The following GPC6 variants were observed in gnomAD, a reference collection of about 807,000 sequenced individuals.
GPC6 encodes the protein glypican 6, also known as glypican-6.
GPC6 carries 14 observed loss-of-function variants against 55.2 expected under a neutral mutation model. The observed-to-expected ratio is 0.25, with a 90% CI of 0.17 to 0.40. The LOEUF is 0.40. Among genes scored for constraint, GPC6 ranks in the 10% least tolerant of loss-of-function variants. GPC6 has a pLI of 1.00. For synonymous variants in GPC6, 278 were observed against 259.6 expected, an observed-to-expected ratio of 1.07 and a Z score of -0.68; for missense variants, 641 against 708.5, an observed-to-expected ratio of 0.90 and a Z score of 1.08.
At chr13:93,833,104 T>TGAGAGAGAGAGA (rs1555334989) in intron 3 of GPC6, among the ~76,000 whole-genome samples, 1 of 61,604 alleles carries the variant, frequency 1.6e-5, no homozygotes, top group Admixed American at 2.3e-4. Flanking sequence ...GATAGGTAGA[T>TGAGAGAGAGAGA]GATAGAGAGA....
rs1436306961 is a variant in GPC6, at chr13:93,541,788, C to T, written c.161-3475C>T. Among the ~76,000 whole-genome samples, 729 of 150,518 alleles carry T rather than the reference C, an allele frequency of 4.8e-3. 2 individuals are homozygous for T. The highest frequency in any genetic ancestry group is 0.016 in the African/African-American group (675 of 40,986). On this transcript the variant is annotated intron_variant, in intron 1 of 8. Transcript: ENST00000377047. The stretch of plus-strand genomic sequence containing the variant: ...TTCTCTGACGGCCAGTGATGGTGAG[C>T]ATTTTTTCATGTGTTTTTTGGCTGC...
intron 1 of GPC6, among the ~76,000 whole-genome samples, chr13:93,315,599 AAATATT>A: frequency 6.6e-6 from 1 of 152,070 alleles, no homozygotes; most frequent in Admixed American, 6.6e-5. Flanking sequence ...GTCAACCACT[AAATATT>A]AATATTCTTT....
intron 4 of GPC6, among the ~76,000 whole-genome samples, chr13:94,255,262 CTG>C (rs1278700942): frequency 3.9e-5 from 6 of 152,160 alleles, no homozygotes; most frequent in Non-Finnish European, 8.8e-5. Context: ...AAGCTCATGT[CTG>C]TGATCAAACC....
intron 4 of GPC6, among the ~76,000 whole-genome samples, chr13:94,058,863 A>G (rs535009583): frequency 6.6e-6 from 1 of 152,296 alleles, no homozygotes; most frequent in Non-Finnish European, 1.5e-5. Context: ...GGTTCCAATA[A>G]GTTAGAATAA....
At chr13:93,246,124 G>T (rs1204936093) in intron 1 of GPC6, among the ~76,000 whole-genome samples, 1 of 152,080 alleles carries the variant, frequency 6.6e-6, no homozygotes, top group Non-Finnish European at 1.5e-5. Flanking sequence ...TCCTATCCTA[G>T]CCTCTCAGGC....
At chr13:93,843,561 T>C (rs1221341391) in intron 3 of GPC6, among the ~76,000 whole-genome samples, 1 of 152,170 alleles carries the variant, frequency 6.6e-6, no homozygotes, top group Admixed American at 6.6e-5. Context: ...TGGTCCAAAC[T>C]GGCCCAGTTG....
intron 2 of GPC6, among the ~76,000 whole-genome samples, chr13:93,751,217 C>A (rs1211465003): frequency 6.6e-6 from 1 of 152,020 alleles, no homozygotes; most frequent in Non-Finnish European, 1.5e-5. Flanking sequence ...AGGAAGCAAG[C>A]CTGTATGGAG....
chr13:93,334,392 T>A (rs1879971104), intron 1 of GPC6, among the ~76,000 whole-genome samples: 1 of 152,126 alleles, frequency 6.6e-6, no homozygotes, highest in Admixed American at 6.5e-5. Flanking sequence ...CTGCTAAGAT[T>A]TTGTTTAGGA....
At chr13:94,160,272 A>G (rs1594003484) in intron 4 of GPC6, among the ~76,000 whole-genome samples, 1 of 152,334 alleles carries the variant, frequency 6.6e-6, no homozygotes, top group African/African-American at 2.4e-5. Flanking sequence ...AAAATGTAGT[A>G]TACATAGGGT....
chr13:93,636,058 G>A (rs1453535855), intron 2 of GPC6, among the ~76,000 whole-genome samples: 1 of 151,962 alleles, frequency 6.6e-6, no homozygotes, highest in Non-Finnish European at 1.5e-5. Context: ...CATATTCCTA[G>A]GATAGAAAAA....
chr13:93,306,021 G>GAT (rs1280736039), intron 1 of GPC6, among the ~76,000 whole-genome samples: 1 of 152,140 alleles, frequency 6.6e-6, no homozygotes, highest in Non-Finnish European at 1.5e-5. Context: ...TGGAGGGTTA[G>GAT]TATATTCAGT....
intron 2 of GPC6, among the ~76,000 whole-genome samples, chr13:93,587,529 T>C (rs1034389486): frequency 6.6e-6 from 1 of 152,190 alleles, no homozygotes; most frequent in African/African-American, 2.4e-5. Context: ...GTTCATGTTG[T>C]TGCTTGCAGG....
chr13:93,792,415 A>C (rs1253216334), intron 2 of GPC6, among the ~76,000 whole-genome samples: 1 of 152,248 alleles, frequency 6.6e-6, no homozygotes, highest in Non-Finnish European at 1.5e-5. Flanking sequence ...GGCTCAAGCC[A>C]TTCTCCTGCC....
chr13:93,425,820 A>T (rs892314718), intron 1 of GPC6, among the ~76,000 whole-genome samples: 1 of 152,184 alleles, frequency 6.6e-6, no homozygotes, highest in African/African-American at 2.4e-5. Flanking sequence ...TTCACAAAGC[A>T]CATTACAAGG....
chr13:94,085,990 C>T (rs1290713476), intron 4 of GPC6, among the ~76,000 whole-genome samples: 1 of 152,136 alleles, frequency 6.6e-6, no homozygotes, highest in African/African-American at 2.4e-5. Flanking sequence ...GAGAATATCC[C>T]TTCTGTTCTG....
chr13:93,595,687 A>G (rs1877696927), intron 2 of GPC6, among the ~76,000 whole-genome samples: 1 of 152,188 alleles, frequency 6.6e-6, no homozygotes. Context: ...TGCCTGAATG[A>G]AACTATTTTT....
chr13:93,526,824 A>G (rs1194177613), intron 1 of GPC6, among the ~76,000 whole-genome samples: 3 of 152,080 alleles, frequency 2.0e-5, no homozygotes, highest in Admixed American at 1.3e-4. Flanking sequence ...ATTTAATCAG[A>G]TTGTTATTTT....
intron 1 of GPC6, among the ~76,000 whole-genome samples, chr13:93,401,155 CGTGTGTGTGTGTGTGT>C (rs5805802): frequency 2.8e-5 from 4 of 143,456 alleles, no homozygotes; most frequent in African/African-American, 5.2e-5. Context: ...AGGTATTTGT[CGTGTGTGTGTGTGTGT>C]GTGTGTGTGT....
At chr13:93,956,163 C>A (rs970124405) in intron 3 of GPC6, among the ~76,000 whole-genome samples, 6 of 152,002 alleles carry the variant, frequency 3.9e-5, no homozygotes, top group African/African-American at 1.4e-4. Context: ...TGCTATAATA[C>A]CCCACCCTTT....
Sources: allele counts gnomAD v4.1 joint callset (sites outside exome capture counted in the v4.1 genomes callset), GRCh38; gene constraint gnomAD v4.1.1; transcripts MANE v1.5; gene names NCBI Gene and HGNC (gene_info 2026-07-23, HGNC 2026-07-21).